SLC1A3: variants seen among roughly 807,000 people sequenced by gnomAD.
SLC1A3 encodes solute carrier family 1 member 3, also known as excitatory amino acid transporter 1.
Under a neutral mutation model 48.1 loss-of-function variants are expected in SLC1A3, and 21 were observed. The ratio of observed to expected loss-of-function variants is 0.44; its 90% CI spans 0.31 to 0.63. SLC1A3 has a LOEUF of 0.63. SLC1A3 is among the 20% of genes least tolerant of loss of function. The pLI is 0.08. For synonymous variants in SLC1A3, 239 were observed against 251.4 expected (o/e 0.95, Z 0.47); for missense variants, 546 against 689.0 (o/e 0.79, Z 2.32).
At chr5:36,596,978 G>A (rs1057240990) in intron 1 of SLC1A3, among the ~76,000 whole-genome samples, 4 of 152,106 alleles carry the variant, frequency 2.6e-5, no homozygotes, top group Non-Finnish European at 5.9e-5. Flanking sequence ...GGTTGCTCCC[G>A]TGGTATCTGT....
At chr5:36,616,057 G>A (rs1343170362) in intron 2 of SLC1A3, among the ~76,000 whole-genome samples, 3 of 152,146 alleles carry the variant, frequency 2.0e-5, no homozygotes, top group Non-Finnish European at 4.4e-5. Flanking sequence ...TTAGCCAGGC[G>A]CGGTGGCGGC....
At chr5:36,658,203 C>A (rs1741360306) in intron 3 of SLC1A3, among the ~76,000 whole-genome samples, 1 of 152,032 alleles carries the variant, frequency 6.6e-6, no homozygotes, top group African/African-American at 2.4e-5. Flanking sequence ...GGCTAGTGGT[C>A]AGATTTCCAC....
chr5:36,680,721 T>C, intron 8 of SLC1A3, 132 bp downstream of exon 8: 3 of 756,202 alleles, frequency 4.0e-6, no homozygotes, highest in Non-Finnish European at 7.0e-6. Context: ...AGTTCAAGAC[T>C]AGCCTGGCAA....
At chr5:36,636,926 G>A (rs989540907) in intron 3 of SLC1A3, among the ~76,000 whole-genome samples, 1 of 152,100 alleles carries the variant, frequency 6.6e-6, no homozygotes, top group African/African-American at 2.4e-5. Context: ...CCATTCTTAG[G>A]TGGTCTCAAC....
intron 2 of SLC1A3, chr5:36,609,025 T>C (rs915691707): frequency 2.0e-6 from 2 of 997,172 alleles, no homozygotes; most frequent in African/African-American, 3.5e-5. Flanking sequence ...CAAATAGTAA[T>C]TATATTCTAA....
intron 3 of SLC1A3, among the ~76,000 whole-genome samples, chr5:36,642,813 T>C (rs1579987771): frequency 6.6e-6 from 1 of 152,200 alleles, no homozygotes; most frequent in Non-Finnish European, 1.5e-5. Context: ...TATCATTCAA[T>C]ATATGGTCCT....
At chr5:36,620,520 G>A (rs1354157642) in intron 2 of SLC1A3, among the ~76,000 whole-genome samples, 1 of 152,172 alleles carries the variant, frequency 6.6e-6, no homozygotes, top group Non-Finnish European at 1.5e-5. Flanking sequence ...AGATTTACTG[G>A]GGAGCACAGA....
At chr5:36,600,123 A>G (rs1738792173) in intron 1 of SLC1A3, among the ~76,000 whole-genome samples, 2 of 152,108 alleles carry the variant, frequency 1.3e-5, no homozygotes, top group Admixed American at 1.3e-4. Flanking sequence ...GTCATTTCCA[A>G]ATCTTGCCCC....
chr5:36,601,678 C>T (rs1050479240), upstream of SLC1A3, among the ~76,000 whole-genome samples: 4 of 152,180 alleles, frequency 2.6e-5, no homozygotes, highest in South Asian at 4.2e-4. Flanking sequence ...TACCTGGGGG[C>T]AAGAAAAGGG....
At chr5:36,612,870 G>T (rs779156625) in intron 2 of SLC1A3, 54 of 455,538 alleles carry the variant, frequency 1.2e-4, no homozygotes, top group Middle Eastern at 6.5e-4. Flanking sequence ...CACCCATTCT[G>T]GCTTTACTCC....
intron 6 of SLC1A3, among the ~76,000 whole-genome samples, chr5:36,677,623 G>A (rs764009143): frequency 6.6e-6 from 1 of 152,218 alleles, no homozygotes; most frequent in South Asian, 2.1e-4. Flanking sequence ...TCAACCATAT[G>A]CTTTAGTCAC....
In SLC1A3 at chr5:36,613,707, G is replaced by A. The variant is rs551537247; in HGVS notation, c.181+5103G>A. 3.5e-4 allele frequency among the ~76,000 whole-genome samples: 54 copies of A among 152,312 alleles called. 1 individual carries two copies. The South Asian group carries it at 7.0e-3, about 20-fold the overall frequency. On this transcript the variant is annotated intron_variant, in intron 2 of 9. Coordinates refer to ENST00000265113, the MANE Select transcript of SLC1A3 (RefSeq NM_004172.5). Reference sequence around the variant, plus strand: ...AGAGAGGAGCTTCAAGAAGCTGGGGGTAGGGGGATCCTGAGTCCCCTGGTG... The same window carrying A: ...AGAGAGGAGCTTCAAGAAGCTGGGGATAGGGGGATCCTGAGTCCCCTGGTG...
chr5:36,621,964 T>C (rs1384600667), intron 2 of SLC1A3, among the ~76,000 whole-genome samples: 7 of 152,218 alleles, frequency 4.6e-5, no homozygotes, highest in Admixed American at 3.9e-4. Flanking sequence ...AGTGCTAGTT[T>C]GGTTTTGGTT....
chr5:36,683,043 A>G (rs1029859235), intron 8 of SLC1A3, among the ~76,000 whole-genome samples: 5 of 152,244 alleles, frequency 3.3e-5, no homozygotes, highest in African/African-American at 1.2e-4. Flanking sequence ...AACTTTGTTC[A>G]TAAATCATTT....
intron 3 of SLC1A3, among the ~76,000 whole-genome samples, chr5:36,651,894 G>A (rs1478285193): frequency 6.6e-6 from 1 of 152,072 alleles, no homozygotes; most frequent in Non-Finnish European, 1.5e-5. Flanking sequence ...TTTCAGAAAG[G>A]GTTATTATGG....
At chr5:36,627,153 A>G (rs916050545) in intron 2 of SLC1A3, among the ~76,000 whole-genome samples, 10 of 152,202 alleles carry the variant, frequency 6.6e-5, no homozygotes, top group African/African-American at 2.2e-4. Flanking sequence ...TCTACCCAAC[A>G]TATACACACA....
intron 2 of SLC1A3, among the ~76,000 whole-genome samples, chr5:36,616,699 G>C (rs1038638902): frequency 3.3e-5 from 5 of 152,114 alleles, no homozygotes; most frequent in African/African-American, 4.8e-5. Context: ...TGCAAAGATG[G>C]TCCCTTCTTT....
At chr5:36,621,810 TCTAA>T (rs1240410730) in intron 2 of SLC1A3, among the ~76,000 whole-genome samples, 2 of 152,264 alleles carry the variant, frequency 1.3e-5, no homozygotes, top group African/African-American at 4.8e-5. Context: ...TAGATTGACC[TCTAA>T]CTGCCGTGTA....
chr5:36,642,561 A>T (rs997798806), intron 3 of SLC1A3, among the ~76,000 whole-genome samples: 1 of 152,222 alleles, frequency 6.6e-6, no homozygotes, highest in Non-Finnish European at 1.5e-5. Flanking sequence ...GTTTATTGAG[A>T]TATAACTCAC....
Sources: allele counts gnomAD v4.1 joint callset (sites outside exome capture counted in the v4.1 genomes callset), GRCh38; gene constraint gnomAD v4.1.1; transcripts MANE v1.5; gene names NCBI Gene and HGNC (gene_info 2026-07-23, HGNC 2026-07-21).